USP9X: variants seen among roughly 807,000 people sequenced by gnomAD.
The protein encoded by USP9X is ubiquitin carboxyl-terminal hydrolase 9X.
A neutral mutation model predicts 190.3 loss-of-function variants in USP9X; 7 were observed. That is an observed-to-expected ratio of 0.04 (90% CI 0.02 to 0.07). The LOEUF is 0.07. Ranked by LOEUF, USP9X falls within the 10% of genes least tolerant of loss-of-function variation. The probability of loss-of-function intolerance (pLI) is 1.00; values close to 1 mark genes in which losing one functional copy is unlikely to be tolerated. For missense variants in USP9X, 1,010 were observed against 1,916.9 expected, an observed-to-expected ratio of 0.53 and a Z score of 8.83; for synonymous variants, 645 against 659.5, an observed-to-expected ratio of 0.98 and a Z score of 0.34.
At chrX:41,232,285 C>T in intron 44 of USP9X, 102 bp from the exon 45 acceptor site, 1 of 917,356 alleles carries the variant, frequency 1.1e-6, no homozygotes, top group Non-Finnish European at 1.5e-6. Flanking sequence ...AGAGTAAGTC[C>T]CAAGAATAAG....
At chrX:41,210,281 C>T (rs769160873) in intron 32 of USP9X, among the ~76,000 whole-genome samples, 1 of 111,705 alleles carries the variant, frequency 9.0e-6, no homozygotes, top group Non-Finnish European at 1.9e-5. Context: ...AGTTCTTTGC[C>T]GCTAGAGTAC....
intron 23 of USP9X, among the ~76,000 whole-genome samples, chrX:41,185,720 T>G (rs1459252336): frequency 1.8e-5 from 2 of 110,271 alleles, no homozygotes; most frequent in Non-Finnish European, 3.8e-5. Flanking sequence ...TAAAAACAGA[T>G]TTTTGTCATG....
chrX:41,144,237 T>TTTG (rs1441672124), intron 10 of USP9X, among the ~76,000 whole-genome samples: 27 of 105,847 alleles, frequency 2.6e-4, no homozygotes, highest in African/African-American at 9.0e-4. Flanking sequence ...TTTTTTTTTT[T>TTTG]GAGATGGAGT....
chrX:41,218,239 C>T (rs1384908494), intron 36 of USP9X, 133 bp from the exon 37 acceptor site: 1 of 566,680 alleles, frequency 1.8e-6, no homozygotes, highest in East Asian at 3.5e-5. Context: ...ATATTAGAAG[C>T]AACCTTTGCT....
At chrX:41,155,650 A>G (rs761803477) in intron 14 of USP9X, among the ~76,000 whole-genome samples, 1 of 111,625 alleles carries the variant, frequency 9.0e-6, no homozygotes, top group South Asian at 3.8e-4. Context: ...TCATTCACCA[A>G]CAGTGCTATG....
intron 44 of USP9X, among the ~76,000 whole-genome samples, chrX:41,232,039 T>C (rs1196737261): frequency 8.9e-6 from 1 of 111,752 alleles, no homozygotes; most frequent in Non-Finnish European, 1.9e-5. Context: ...TGCTCATAGA[T>C]CATTCTCTGA....
intron 32 of USP9X, among the ~76,000 whole-genome samples, chrX:41,206,816 C>T (rs916769515): frequency 7.4e-5 from 8 of 108,043 alleles, no homozygotes; most frequent in Admixed American, 2.0e-4. Context: ...TTTGCTCTGT[C>T]GCCCAGGCTA....
At chrX:41,190,217 A>G (rs1182741903) in intron 26 of USP9X, among the ~76,000 whole-genome samples, 4 of 112,293 alleles carry the variant, frequency 3.6e-5, no homozygotes, top group Admixed American at 1.9e-4. Flanking sequence ...TAAATTCACA[A>G]TAAGTCATTT....
chrX:41,132,907 T>C (rs1759054931), intron 4 of USP9X, among the ~76,000 whole-genome samples: 1 of 111,901 alleles, frequency 8.9e-6, no homozygotes, highest in Admixed American at 9.5e-5. Flanking sequence ...ATCTTTTTTT[T>C]CCCCCAATGA....
chrX:41,188,736 T>C (rs751469234), intron 25 of USP9X, among the ~76,000 whole-genome samples: 47 of 112,135 alleles, frequency 4.2e-4, no homozygotes, highest in African/African-American at 1.5e-3. Flanking sequence ...TTCCATAGTA[T>C]CTGTCTGGCA....
intron 12 of USP9X, among the ~76,000 whole-genome samples, chrX:41,150,562 C>T (rs986705315): frequency 6.3e-5 from 7 of 110,955 alleles, no homozygotes; most frequent in Admixed American, 9.6e-5. Flanking sequence ...TTTTATGATA[C>T]GGTAGAATCT....
At chrX:41,122,607 C>G (rs1014466253) in intron 1 of USP9X, among the ~76,000 whole-genome samples, 1 of 111,911 alleles carries the variant, frequency 8.9e-6, no homozygotes, top group Non-Finnish European at 1.9e-5. Context: ...AGGAGTGTTA[C>G]AATGCTCCTT....
At chrX:41,195,861 C>T in intron 26 of USP9X, 1 of 326,838 alleles carries the variant, frequency 3.1e-6, no homozygotes, top group Non-Finnish European at 5.9e-6. Context: ...GTGGTTACTA[C>T]AGAATTTCCA....
intron 6 of USP9X, among the ~76,000 whole-genome samples, chrX:41,139,900 A>G (rs2062407350): frequency 8.9e-6 from 1 of 111,888 alleles, no homozygotes; most frequent in Non-Finnish European, 1.9e-5. Flanking sequence ...AGGTTTTCTT[A>G]GGTACATTAA....
At position 41,180,936 on chromosome X, in the gene USP9X, A is replaced by C. The variant is rs753342239; in HGVS notation, c.3149-3062A>C. Among the ~76,000 whole-genome samples the C allele has an allele frequency of 5.4e-5, 6 of 111,641 alleles. No homozygotes were observed. The South Asian group carries it at 2.2e-3, about 42-fold the overall frequency. ...ATAGTTAATGACTAGGAAAAAAGCT[A>C]ATGATTCTCTCTTTCCCCTCCATTT... On this transcript the variant is annotated intron_variant, in intron 21 of 44. Coordinates refer to ENST00000378308, the MANE Select transcript of USP9X (RefSeq NM_001039591.3).
intron 1 of USP9X, among the ~76,000 whole-genome samples, chrX:41,092,779 G>A (rs1362756677): frequency 9.0e-6 from 1 of 111,351 alleles, no homozygotes; most frequent in Admixed American, 9.6e-5. Flanking sequence ...GATTGCAGAC[G>A]TTCTGTGTGA....
At chrX:41,096,590 C>T (rs778222248) in intron 1 of USP9X, among the ~76,000 whole-genome samples, 1 of 111,320 alleles carries the variant, frequency 9.0e-6, no homozygotes, top group Non-Finnish European at 1.9e-5. Flanking sequence ...ATTACAGGCA[C>T]CACCACCCAC....
intron 32 of USP9X, among the ~76,000 whole-genome samples, chrX:41,207,792 T>C (rs1469459820): frequency 9.0e-6 from 1 of 110,598 alleles, no homozygotes; most frequent in Admixed American, 9.6e-5. Context: ...TATAAATTTC[T>C]TTTCCTCCCC....
intron 30 of USP9X, among the ~76,000 whole-genome samples, chrX:41,200,459 A>G (rs931867874): frequency 6.3e-5 from 7 of 111,894 alleles, no homozygotes; most frequent in Non-Finnish European, 3.8e-5. Context: ...GTGATTTACA[A>G]TTATCACAAA....
Sources: gnomAD v4.1 joint callset for allele counts (sites outside exome capture counted in the v4.1 genomes callset) on GRCh38, gnomAD v4.1.1 for gene constraint, MANE v1.5 for transcripts, NCBI Gene and HGNC (gene_info 2026-07-23, HGNC 2026-07-21) for gene names.